SMYD3: variants seen among roughly 807,000 people sequenced by gnomAD.
The protein encoded by SMYD3 is histone-lysine N-methyltransferase SMYD3.
In SMYD3, 36 loss-of-function variants were observed where a neutral mutation model predicts 57.7. The ratio of observed to expected loss-of-function variants is 0.62; its 90% CI spans 0.48 to 0.82. The LOEUF is 0.82. Ranked by LOEUF, SMYD3 falls within the 40% of genes least tolerant of loss-of-function variation. The probability of loss-of-function intolerance (pLI) is 0.00; values close to 1 mark genes in which losing one functional copy is unlikely to be tolerated. For synonymous variants in SMYD3, 211 were observed against 195.0 expected (o/e 1.08, Z -0.68); for missense variants, 515 against 538.8 (o/e 0.96, Z 0.44).
chr1:246,216,373 A>G (rs1483575139), intron 5 of SMYD3, among the ~76,000 whole-genome samples: 1 of 152,006 alleles, frequency 6.6e-6, no homozygotes, highest in Non-Finnish European at 1.5e-5. Flanking sequence ...GGTGACCCCA[A>G]CAACCCAGAT....
chr1:245,874,249 C>T (rs571963975), intron 8 of SMYD3, among the ~76,000 whole-genome samples: 1 of 152,352 alleles, frequency 6.6e-6, no homozygotes, highest in East Asian at 1.9e-4. Context: ...ATTTAATTCA[C>T]ACATTCCCTC....
intron 1 of SMYD3, among the ~76,000 whole-genome samples, chr1:246,410,633 T>C (rs1044020252): frequency 2.6e-5 from 4 of 152,170 alleles, no homozygotes; most frequent in African/African-American, 9.7e-5. Context: ...AAAATTCTCT[T>C]TTTTTGTTGT....
intron 5 of SMYD3, among the ~76,000 whole-genome samples, chr1:246,047,949 T>A (rs2059999516): frequency 6.6e-6 from 1 of 152,212 alleles, no homozygotes; most frequent in Admixed American, 6.5e-5. Flanking sequence ...CATAGTCATA[T>A]TCCAGTGTAA....
intron 7 of SMYD3, among the ~76,000 whole-genome samples, chr1:245,919,497 C>T (rs184919022): frequency 6.6e-6 from 1 of 152,344 alleles, no homozygotes; most frequent in East Asian, 1.9e-4. Context: ...GCCCCATTAC[C>T]TCAGAGAAAG....
chr1:246,255,556 T>A (rs529201862), intron 5 of SMYD3, among the ~76,000 whole-genome samples: 2 of 152,066 alleles, frequency 1.3e-5, no homozygotes, highest in Admixed American at 6.6e-5. Flanking sequence ...AAGTTTTTGA[T>A]GTGCTGTTTT....
chr1:246,019,780 CAT>C (rs1234828241), intron 5 of SMYD3, among the ~76,000 whole-genome samples: 1 of 151,810 alleles, frequency 6.6e-6, no homozygotes, highest in African/African-American at 2.4e-5. Context: ...TATATACATA[CAT>C]ATATATAAAT....
intron 5 of SMYD3, among the ~76,000 whole-genome samples, chr1:246,015,342 C>A (rs1186773811): frequency 1.3e-5 from 2 of 152,172 alleles, no homozygotes; most frequent in African/African-American, 4.8e-5. Flanking sequence ...GTTCCCCTAT[C>A]CAACAATCTC....
chr1:246,375,050 G>A (rs1157936319), intron 1 of SMYD3, among the ~76,000 whole-genome samples: 1 of 152,094 alleles, frequency 6.6e-6, no homozygotes, highest in Non-Finnish European at 1.5e-5. Context: ...CCGAGATCGC[G>A]CTGTTGCACT....
intron 5 of SMYD3, among the ~76,000 whole-genome samples, chr1:245,977,372 C>T (rs1455601346): frequency 1.3e-5 from 2 of 152,320 alleles, no homozygotes; most frequent in South Asian, 2.1e-4. Context: ...GGAAGTCCAT[C>T]CTTAATCACA....
At chr1:246,110,701 G>C (rs2061219751) in intron 5 of SMYD3, among the ~76,000 whole-genome samples, 1 of 152,194 alleles carries the variant, frequency 6.6e-6, no homozygotes, top group South Asian at 2.1e-4. Context: ...CAGTGGCAAA[G>C]AGCCAAGTGA....
chr1:246,390,214 C>CAAAAAA (rs56279385), intron 1 of SMYD3, among the ~76,000 whole-genome samples: 2 of 66,972 alleles, frequency 3.0e-5, no homozygotes, highest in African/African-American at 4.8e-5. Flanking sequence ...ATTCTGTCTC[C>CAAAAAA]AAAAAAAAAA....
At chr1:246,136,160 A>G (rs2061662906) in intron 5 of SMYD3, among the ~76,000 whole-genome samples, 2 of 152,188 alleles carry the variant, frequency 1.3e-5, no homozygotes, top group Admixed American at 1.3e-4. Flanking sequence ...ATTGGAGTTA[A>G]TGGCACATAT....
intron 7 of SMYD3, among the ~76,000 whole-genome samples, chr1:245,927,023 C>G (rs2056420415): frequency 6.6e-6 from 1 of 152,220 alleles, no homozygotes; most frequent in African/African-American, 2.4e-5. Flanking sequence ...AGCCAAATCC[C>G]TGTCTACATA....
intron 5 of SMYD3, among the ~76,000 whole-genome samples, chr1:245,933,748 T>C (rs1416069): frequency 1 from 151,648 of 152,378 alleles, 75,466 homozygotes; most frequent in Middle Eastern, 1. Flanking sequence ...TCAAATTTCA[T>C]ATTTTTCCTG....
At position 245,943,590 on chromosome 1, in the gene SMYD3, C is replaced by T. The variant is rs538018925; in HGVS notation, c.532-13653G>A. ...TGGTACCATTTATTCTGAAACTATT[C>T]CAAACAATTGAAAAAGAGGGACTCC... is the stretch of plus-strand genomic sequence containing the variant. On this transcript the variant is annotated intron_variant, in intron 5 of 11. Coordinates refer to ENST00000490107, the MANE Select transcript of SMYD3 (RefSeq NM_001167740.2). Among the ~76,000 whole-genome samples, 338 of 152,228 alleles carry T rather than the reference C, an allele frequency of 2.2e-3. 2 individuals carry two copies. The highest frequency in any genetic ancestry group is 7.7e-3 in the African/African-American group (321 of 41,546).
intron 10 of SMYD3, among the ~76,000 whole-genome samples, chr1:245,782,812 G>A (rs978311673): frequency 6.6e-6 from 1 of 152,196 alleles, no homozygotes; most frequent in African/African-American, 2.4e-5. Context: ...AGTCTAGAAA[G>A]AGACTACCTA....
intron 5 of SMYD3, among the ~76,000 whole-genome samples, chr1:246,114,654 T>A (rs993932530): frequency 6.6e-6 from 1 of 152,102 alleles, no homozygotes; most frequent in Admixed American, 6.6e-5. Context: ...TGTTTCGAGA[T>A]GAAGTTTCAC....
chr1:246,012,868 G>A lies in SMYD3; in HGVS notation c.532-82931C>T, dbSNP rs1006128881. Among the ~76,000 whole-genome samples the A allele has an allele frequency of 5.3e-5, 8 of 152,204 alleles. 1 individual carries two copies. The South Asian group carries it at 1.7e-3, about 32-fold the overall frequency. ...TGGGGCACACTTTGGGCAAATGACT[G>A]AGAAAGCGAAGTTCTGAGAAATCTT... On this transcript the variant is annotated intron_variant, in intron 5 of 11. Transcript: ENST00000490107.
Position 246,262,774 on chromosome 1 carries a change from T to C in SMYD3, c.531+64427A>G, listed in dbSNP as rs2064035770. ...ATAAAATAAACATTTACATAGAAAT[T>C]TGGGTCCAGGTTTATATTATCTTAA... On this transcript the variant is annotated intron_variant, in intron 5 of 11. Transcript: ENST00000490107. 2.0e-5 allele frequency among the ~76,000 whole-genome samples: 3 copies of C among 152,194 alleles called. No individual in the cohort carries two copies. In the South Asian group the frequency reaches 6.2e-4, roughly 32 times the overall value.
Sources: allele counts gnomAD v4.1 joint callset (sites outside exome capture counted in the v4.1 genomes callset), GRCh38; gene constraint gnomAD v4.1.1; transcripts MANE v1.5; gene names NCBI Gene and HGNC (gene_info 2026-07-23, HGNC 2026-07-21).